The following VAC14 variants were observed in gnomAD, a reference collection of about 807,000 sequenced individuals.
The protein encoded by VAC14 is protein VAC14 homolog.
VAC14 carries 47 observed loss-of-function variants against 85.3 expected under a neutral mutation model. The observed-to-expected ratio is 0.55, with a 90% CI of 0.44 to 0.70. The LOEUF (loss-of-function observed/expected upper bound fraction) is 0.70, where lower values mean the gene tolerates loss of function less well. Among genes scored for constraint, VAC14 ranks in the 30% least tolerant of loss-of-function variants. The pLI, the probability that VAC14 is intolerant of heterozygous loss-of-function variation, is 0.00. For missense variants in VAC14, 861 were observed against 1,004.3 expected, an observed-to-expected ratio of 0.86 and a Z score of 1.93; for synonymous variants, 447 against 430.5, an observed-to-expected ratio of 1.04 and a Z score of -0.47.
Position 70,762,735 on chromosome 16 carries a change from G to A in VAC14, c.1306-130C>T. On this transcript the variant is annotated intron_variant, in intron 11 of 18. Coordinates refer to ENST00000261776, the MANE Select transcript of VAC14 (RefSeq NM_018052.5). This position sits in a 1 kb window ranked among gnomAD's most constrained non-coding sequence, Gnocchi z 4.1. ...ACCACTTCCCTCCCCGACACAATGA[G>A]GGCTCCTCGCAGCACCTGTCACTTC... The A allele has an allele frequency of 1.3e-6, 2 of 1,493,022 alleles. No individual in the cohort carries two copies. The highest frequency in any genetic ancestry group is 1.8e-6 in the Non-Finnish European group (2 of 1,090,628). 92.5% of individuals were successfully genotyped at this position (1,493,022 alleles called of 1,614,324 possible).
chr16:70,765,894 G>A (rs1480358521), intron 10 of VAC14, among the ~76,000 whole-genome samples: 4 of 152,176 alleles, frequency 2.6e-5, no homozygotes, highest in Non-Finnish European at 5.9e-5. Context: ...CACTTTGGGA[G>A]GCCGAGGCAG....
intron 14 of VAC14, among the ~76,000 whole-genome samples, chr16:70,702,105 C>T (rs2053839335): frequency 6.6e-6 from 1 of 152,242 alleles, no homozygotes; most frequent in Non-Finnish European, 1.5e-5. Context: ...GTGCACTGAC[C>T]CTCCACCCCC....
chr16:70,769,588 T>G (rs1436748721), intron 10 of VAC14: 2 of 152,222 alleles, frequency 1.3e-5, no homozygotes, highest in African/African-American at 4.8e-5. Flanking sequence ...CATTTGTTCT[T>G]GTTTGGTTTT....
intron 1 of VAC14, among the ~76,000 whole-genome samples, chr16:70,789,599 C>G (rs547337290): frequency 6.6e-6 from 1 of 152,194 alleles, no homozygotes; most frequent in Admixed American, 6.5e-5. Context: ...TTAGTTTAAT[C>G]GTGAGAGACT....
At chr16:70,785,486 T>C (rs572016323) in intron 3 of VAC14, among the ~76,000 whole-genome samples, 1 of 152,208 alleles carries the variant, frequency 6.6e-6, no homozygotes, top group Non-Finnish European at 1.5e-5. Flanking sequence ...GATACTTATA[T>C]CAAATGCAAT....
chr16:70,774,543 T>C (rs548644804), intron 9 of VAC14, among the ~76,000 whole-genome samples: 1 of 152,282 alleles, frequency 6.6e-6, no homozygotes, highest in South Asian at 2.1e-4. Context: ...GGAAGATACT[T>C]AAGATTGGAA....
intron 14 of VAC14, among the ~76,000 whole-genome samples, chr16:70,721,729 G>C (rs1567538308): frequency 6.6e-6 from 1 of 152,138 alleles, no homozygotes; most frequent in Non-Finnish European, 1.5e-5. Flanking sequence ...TGCAGAACAC[G>C]AACCCTCCAG....
At position 70,762,722 on chromosome 16, in the gene VAC14, C is replaced by T; in HGVS notation, c.1306-117G>A. 5.4e-6 allele frequency: 8 copies of T among 1,485,274 alleles called. No individual in the cohort carries two copies. In the South Asian group the frequency reaches 8.3e-5, roughly 15 times the overall value. The allele number at this position is 1,485,274 out of a possible 1,614,324, so 92.0% of individuals were successfully genotyped here. A position where few individuals can be genotyped will look rare whatever the true frequency, so the allele number is the denominator to read the frequency against. On this transcript the variant is annotated intron_variant, in intron 11 of 18. Transcript: ENST00000261776. The surrounding 1 kb of genome is among the most constrained non-coding windows in gnomAD (Gnocchi z 4.1). The stretch of plus-strand genomic sequence containing the variant: ...CTGGTCTGCACGGACCACTTCCCTC[C>T]CCGACACAATGAGGGCTCCTCGCAG...
intron 14 of VAC14, chr16:70,699,837 T>G (rs2053787737): frequency 6.6e-6 from 1 of 152,242 alleles, no homozygotes; most frequent in Admixed American, 6.5e-5. Flanking sequence ...GAGGGTGGTG[T>G]GCAGCACTGC....
In VAC14 at chr16:70,800,947, G is replaced by A. The variant is rs1469336924; in HGVS notation, c.-47C>T. 12 of 1,427,708 alleles carry A rather than the reference G, an allele frequency of 8.4e-6. No homozygotes were observed. Among genetic ancestry groups the A allele is most frequent in the African/African-American group, 1.5e-5 (1 of 67,662 alleles). 88.4% of individuals were successfully genotyped at this position (1,427,708 alleles called of 1,614,324 possible). Reference sequence around the variant, plus strand: ...GCGACTCCTTAGCCCGCGGCTGCCGGGGCCGCGCCGGGGCCAGGGGAGTCT... The same window carrying A: ...GCGACTCCTTAGCCCGCGGCTGCCGAGGCCGCGCCGGGGCCAGGGGAGTCT... On this transcript the variant is annotated 5_prime_UTR_variant, in exon 1 of 19. Transcript: ENST00000261776.
At chr16:70,780,310 C>T (rs1443079842) in intron 9 of VAC14, among the ~76,000 whole-genome samples, 5 of 151,888 alleles carry the variant, frequency 3.3e-5, no homozygotes, top group Admixed American at 3.3e-4. Context: ...CTTTCTTAAC[C>T]CTCCCACCCT....
intron 18 of VAC14, chr16:70,690,114 T>G: frequency 1.0e-6 from 1 of 985,586 alleles, no homozygotes; most frequent in Non-Finnish European, 1.2e-6. Flanking sequence ...CCCGGGAAGA[T>G]GGCGTCGGTG....
At chr16:70,701,023 C>T (rs2053815741) in intron 14 of VAC14, among the ~76,000 whole-genome samples, 1 of 152,162 alleles carries the variant, frequency 6.6e-6, no homozygotes, top group South Asian at 2.1e-4. Flanking sequence ...GCACCCAGAC[C>T]TCCTGGTGTC....
chr16:70,769,529 C>G (rs1441021142), intron 10 of VAC14: 3 of 152,248 alleles, frequency 2.0e-5, no homozygotes, highest in Non-Finnish European at 2.9e-5. Context: ...ACTGACTGTG[C>G]AGCTGCCACG....
At chr16:70,704,602 C>A (rs2053888009) in intron 14 of VAC14, among the ~76,000 whole-genome samples, 1 of 152,200 alleles carries the variant, frequency 6.6e-6, no homozygotes, top group African/African-American at 2.4e-5. Flanking sequence ...TTAGTTCCTG[C>A]AGGCCTGGAG....
In VAC14 at chr16:70,744,593, C is replaced by A; in HGVS notation, c.1372-14G>T. 1 of 1,580,978 alleles carries A rather than the reference C, an allele frequency of 6.3e-7. No individual in the cohort carries two copies. Among genetic ancestry groups the A allele is most frequent in the African/African-American group, 1.3e-5 (1 of 74,316 alleles). ...CTTCAGGATCACCTGGGGAGAGAAG[C>A]GGGGCAGGAGGGATGAGCTCTCCGC... On this transcript the variant is annotated splice_polypyrimidine_tract_variant and intron_variant, in intron 12 of 18. Transcript: ENST00000261776.
At chr16:70,747,410 C>T (rs1035846066) in intron 12 of VAC14, among the ~76,000 whole-genome samples, 10 of 150,744 alleles carry the variant, frequency 6.6e-5, no homozygotes, top group South Asian at 2.1e-4. Flanking sequence ...TATAATCTTG[C>T]GAAAAATACT....
At chr16:70,698,553 G>A in intron 15 of VAC14, 84 bp downstream of exon 15, 1 of 1,535,886 alleles carries the variant, frequency 6.5e-7, no homozygotes. Context: ...AGCCTCCTGG[G>A]GCCAGCCGAG....
Position 70,717,213 on chromosome 16 carries a change from C to A in VAC14, c.1661+14282G>T, listed in dbSNP as rs567889267. The stretch of plus-strand genomic sequence containing the variant: ...GCACTCTGGCCACACTGATGGGTCC[C>A]ATGGGACATGAGCCCAGGACAGGTG... On this transcript the variant is annotated intron_variant, in intron 14 of 18. Coordinates refer to ENST00000261776, the MANE Select transcript of VAC14 (RefSeq NM_018052.5). 2.6e-5 allele frequency among the ~76,000 whole-genome samples: 4 copies of A among 152,366 alleles called. No homozygotes were observed. In the South Asian group the frequency reaches 8.3e-4, roughly 32 times the overall value.
Sources: allele counts gnomAD v4.1 joint callset (sites outside exome capture counted in the v4.1 genomes callset), GRCh38; gene constraint gnomAD v4.1.1; non-coding constraint Gnocchi (gnomAD v3.1); transcripts MANE v1.5; gene names NCBI Gene and HGNC (gene_info 2026-07-23, HGNC 2026-07-21).